CAV1: variants seen among roughly 807,000 people sequenced by gnomAD.
CAV1 encodes the protein caveolin-1.
Under a neutral mutation model 16.5 loss-of-function variants are expected in CAV1, and 10 were observed. The observed-to-expected ratio is 0.61, with a 90% CI of 0.37 to 1.03. The LOEUF (loss-of-function observed/expected upper bound fraction) is 1.03, where lower values mean the gene tolerates loss of function less well. Among genes scored for constraint, CAV1 ranks in the 50% least tolerant of loss-of-function variants. CAV1 has a pLI of 0.01. For missense variants in CAV1, 212 were observed against 232.8 expected, an observed-to-expected ratio of 0.91 and a Z score of 0.58; for synonymous variants, 76 against 85.1, an observed-to-expected ratio of 0.89 and a Z score of 0.59.
intron 2 of CAV1, among the ~76,000 whole-genome samples, chr7:116,557,527 G>T (rs1794314701): frequency 6.6e-6 from 1 of 152,070 alleles, no homozygotes; most frequent in Admixed American, 6.6e-5. Context: ...TTAATCCTGT[G>T]CTTCAGTGTA....
intron 2 of CAV1, among the ~76,000 whole-genome samples, chr7:116,539,996 A>G (rs1024088856): frequency 4.6e-5 from 7 of 152,254 alleles, no homozygotes; most frequent in Admixed American, 3.9e-4. Flanking sequence ...TAGATCAGGG[A>G]ATGGCCCGAA....
At chr7:116,552,698 T>C (rs747953610) in intron 2 of CAV1, among the ~76,000 whole-genome samples, 1 of 152,190 alleles carries the variant, frequency 6.6e-6, no homozygotes, top group African/African-American at 2.4e-5. Flanking sequence ...CAAAGAGTCA[T>C]GCCATATGCC....
chr7:116,532,385 C>T (rs1055880055), intron 2 of CAV1, among the ~76,000 whole-genome samples: 1 of 152,164 alleles, frequency 6.6e-6, no homozygotes, highest in African/African-American at 2.4e-5. Flanking sequence ...GATGGAATGA[C>T]CAGAAACAGC....
rs1474428387 is a variant in CAV1, at chr7:116,542,574, G to A, written c.195+15885G>A. 3.9e-5 allele frequency: 6 copies of A among 152,280 alleles called. No homozygotes were observed. In the South Asian group the frequency reaches 8.3e-4, roughly 21 times the overall value. The allele number at this position is 152,280 out of a possible 1,614,324, so 9.4% of individuals were successfully genotyped here. A position where few individuals can be genotyped will look rare whatever the true frequency, so the allele number is the denominator to read the frequency against. On this transcript the variant is annotated intron_variant, in intron 2 of 2. Transcript: ENST00000341049. ...TCATTTCACTAGGTCCTCATCTGGG[G>A]AGGTCCTTGGCATTTTTACTGGAAT...
At chr7:116,535,922 A>G (rs1041230776) in intron 2 of CAV1, among the ~76,000 whole-genome samples, 11 of 152,180 alleles carry the variant, frequency 7.2e-5, no homozygotes, top group African/African-American at 2.2e-4. Context: ...GATGTTGTAC[A>G]TATGTGCCTA....
intron 2 of CAV1, among the ~76,000 whole-genome samples, chr7:116,529,477 A>G (rs1793639399): frequency 6.6e-6 from 1 of 152,232 alleles, no homozygotes; most frequent in Non-Finnish European, 1.5e-5. Context: ...ACAGACATAG[A>G]ACATTTCCAT....
At position 116,525,737 on chromosome 7, in the gene CAV1, G is replaced by A; in HGVS notation, c.30+645G>A. The A allele has an allele frequency of 4.7e-6, 5 of 1,057,914 alleles. No individual in the cohort carries two copies. The South Asian group carries it at 1.8e-4, about 37-fold the overall frequency. The allele number at this position is 1,057,914 out of a possible 1,614,324, so 65.5% of individuals were successfully genotyped here. A position where few individuals can be genotyped will look rare whatever the true frequency, so the allele number is the denominator to read the frequency against. On this transcript the variant is annotated intron_variant, in intron 1 of 2. Transcript: ENST00000341049. ...GTGTGGAAACCTCGTCTTCCAACAC[G>A]TAGCTGCCCTTCAGCCACCCGCCCG...
intron 2 of CAV1, among the ~76,000 whole-genome samples, chr7:116,555,476 G>GAA (rs372872878): frequency 1.6e-4 from 6 of 36,458 alleles, no homozygotes; most frequent in African/African-American, 4.7e-4. Context: ...AGGAAGGAAG[G>GAA]AGGAAAGAAA....
At chr7:116,550,697 G>A (rs1189202938) in intron 2 of CAV1, among the ~76,000 whole-genome samples, 1 of 152,178 alleles carries the variant, frequency 6.6e-6, no homozygotes, top group African/African-American at 2.4e-5. Flanking sequence ...AAGGGAGTTT[G>A]AAATTGGTCT....
At chr7:116,525,535 C>T (rs1212417016) in intron 1 of CAV1, 2 of 1,225,614 alleles carry the variant, frequency 1.6e-6, no homozygotes, top group Non-Finnish European at 1.0e-6. Flanking sequence ...GCGCCCAGAC[C>T]GGCAGGTCCC....
At chr7:116,558,142 A>G (rs1240737782) in intron 2 of CAV1, among the ~76,000 whole-genome samples, 1 of 152,180 alleles carries the variant, frequency 6.6e-6, no homozygotes, top group African/African-American at 2.4e-5. Flanking sequence ...AATTTCCTGA[A>G]GTAATTATGC....
At chr7:116,538,984 A>G (rs1318023658) in intron 2 of CAV1, among the ~76,000 whole-genome samples, 2 of 152,168 alleles carry the variant, frequency 1.3e-5, no homozygotes, top group Non-Finnish European at 2.9e-5. Flanking sequence ...AAAATGGGAA[A>G]ATTATGGGAA....
chr7:116,540,651 T>C (rs1025651635), intron 2 of CAV1, among the ~76,000 whole-genome samples: 12 of 152,170 alleles, frequency 7.9e-5, no homozygotes, highest in Non-Finnish European at 8.8e-5. Context: ...ATGACACCAA[T>C]TGCAATGATC....
At position 116,525,038 on chromosome 7, in the gene CAV1, A is replaced by G; in HGVS notation, c.-25A>G. 1 of 1,613,830 alleles carries G rather than the reference A, an allele frequency of 6.2e-7. No individual in the cohort carries two copies. Among genetic ancestry groups the G allele is most frequent in the Non-Finnish European group, 8.5e-7 (1 of 1,179,884 alleles). On this transcript the variant is annotated 5_prime_UTR_variant, in exon 1 of 3. Coordinates refer to ENST00000341049, the MANE Select transcript of CAV1 (RefSeq NM_001753.5). Reference sequence around the variant, plus strand: ...GCACAGCCCAGGGAAACCTCCTCACAGTTTTCATCCAGCCACGGGCCAGCA... The same window carrying G: ...GCACAGCCCAGGGAAACCTCCTCACGGTTTTCATCCAGCCACGGGCCAGCA...
chr7:116,525,626 AG>A (rs946314804), intron 1 of CAV1: 1 of 1,129,422 alleles, frequency 8.9e-7, no homozygotes, highest in African/African-American at 1.6e-5. Context: ...GGCGTCTGGC[AG>A]GGGTGTTCCG....
chr7:116,560,970 A>G lies in CAV1; in HGVS notation c.*1683A>G, dbSNP rs6868. ...TTTTTATCTTTATATGAAGAAAATCACTTAGGAAATGGCTTTGTGATTCAA... is the reference window on the plus strand; with the variant it reads ...TTTTTATCTTTATATGAAGAAAATCGCTTAGGAAATGGCTTTGTGATTCAA... On this transcript the variant is annotated 3_prime_UTR_variant, in exon 3 of 3. Coordinates refer to ENST00000341049, the MANE Select transcript of CAV1 (RefSeq NM_001753.5). The G allele has an allele frequency of 6.5e-6, 1 of 152,766 alleles. No individual in the cohort carries two copies. Among genetic ancestry groups the G allele is most frequent in the Non-Finnish European group, 1.5e-5 (1 of 68,028 alleles). 9.5% of individuals were successfully genotyped at this position (152,766 alleles called of 1,614,324 possible). A position where few individuals can be genotyped will look rare whatever the true frequency, so the allele number is the denominator to read the frequency against.
In CAV1 at chr7:116,560,506, A is replaced by G. The variant is rs1794389267; in HGVS notation, c.*1219A>G. The G allele has an allele frequency of 6.6e-6, 1 of 152,198 alleles. No individual in the cohort carries two copies. Among genetic ancestry groups the G allele is most frequent in the Non-Finnish European group, 1.5e-5 (1 of 68,036 alleles). 9.4% of individuals were successfully genotyped at this position (152,198 alleles called of 1,614,324 possible). The stretch of plus-strand genomic sequence containing the variant: ...GTGACACATGGCCCCTCCCCCTGCC[A>G]GGAGCTTTGGACCTAATCCAAGCAT... On this transcript the variant is annotated 3_prime_UTR_variant, in exon 3 of 3. Transcript: ENST00000341049.
chr7:116,546,446 T>C (rs1794047927), intron 2 of CAV1, among the ~76,000 whole-genome samples: 2 of 151,910 alleles, frequency 1.3e-5, no homozygotes, highest in South Asian at 4.2e-4. Context: ...TCCCAGCAAT[T>C]TGGGAGCCTG....
chr7:116,546,461 G>A (rs1454545072), intron 2 of CAV1, among the ~76,000 whole-genome samples: 7 of 151,842 alleles, frequency 4.6e-5, no homozygotes, highest in African/African-American at 1.7e-4. Context: ...AGCCTGAGGC[G>A]GGTGGATCAC....
Sources: gnomAD v4.1 joint callset for allele counts (sites outside exome capture counted in the v4.1 genomes callset) on GRCh38, gnomAD v4.1.1 for gene constraint, MANE v1.5 for transcripts, NCBI Gene and HGNC (gene_info 2026-07-23, HGNC 2026-07-21) for gene names.